Variants in ARHGAP32 observed in about 807,000 individuals in gnomAD.
ARHGAP32 encodes the protein rho GTPase-activating protein 32.
Under a neutral mutation model 186.5 loss-of-function variants are expected in ARHGAP32, and 51 were observed. The ratio of observed to expected loss-of-function variants is 0.27; its 90% CI spans 0.22 to 0.35. The LOEUF (loss-of-function observed/expected upper bound fraction) is 0.35, where lower values mean the gene tolerates loss of function less well. Among genes scored for constraint, ARHGAP32 ranks in the 10% least tolerant of loss-of-function variants. ARHGAP32 has a pLI of 1.00. For synonymous variants in ARHGAP32, 950 were observed against 964.3 expected, an observed-to-expected ratio of 0.99 and a Z score of 0.27; for missense variants, 2,186 against 2,623.5, an observed-to-expected ratio of 0.83 and a Z score of 3.64.
At chr11:129,100,651 C>T (rs7102146) in intron 5 of ARHGAP32, among the ~76,000 whole-genome samples, 2,125 of 152,212 alleles carry the variant, frequency 0.014, 51 homozygotes, top group African/African-American at 0.048. Context: ...AGCCAGCCAA[C>T]CCCAACCCTG....
intron 5 of ARHGAP32, among the ~76,000 whole-genome samples, chr11:129,097,398 G>A (rs895312558): frequency 5.3e-5 from 8 of 152,070 alleles, no homozygotes; most frequent in African/African-American, 1.2e-4. Context: ...AAAGATGTTC[G>A]AAGACCTAAA....
intron 1 of ARHGAP32, among the ~76,000 whole-genome samples, chr11:129,225,246 GA>G (rs1322208192): frequency 6.6e-6 from 1 of 152,178 alleles, no homozygotes; most frequent in East Asian, 1.9e-4. Flanking sequence ...TGGAGACTTT[GA>G]AAAGTTTAGA....
chr11:129,084,485 T>G (rs1485134071), intron 6 of ARHGAP32, among the ~76,000 whole-genome samples: 5 of 152,062 alleles, frequency 3.3e-5, no homozygotes, highest in African/African-American at 1.2e-4. Flanking sequence ...ATCCCAGGAA[T>G]GCAAGGCTGG....
At chr11:129,251,494 G>A (rs1292283729) in intron 1 of ARHGAP32, among the ~76,000 whole-genome samples, 2 of 152,098 alleles carry the variant, frequency 1.3e-5, no homozygotes, top group Non-Finnish European at 2.9e-5. Flanking sequence ...CAATGTTTAA[G>A]TGCAACTAAA....
chr11:128,977,120 G>A (rs759639673), intron 19 of ARHGAP32, among the ~76,000 whole-genome samples: 1 of 152,152 alleles, frequency 6.6e-6, no homozygotes, highest in Non-Finnish European at 1.5e-5. Flanking sequence ...GGCAAGGAAG[G>A]ATTTTTCCCT....
chr11:129,070,147 A>C (rs937554509), intron 6 of ARHGAP32, among the ~76,000 whole-genome samples: 5 of 152,176 alleles, frequency 3.3e-5, no homozygotes, highest in Non-Finnish European at 5.9e-5. Flanking sequence ...GCTATGTGCT[A>C]ATCACTTGAC....
upstream of ARHGAP32, among the ~76,000 whole-genome samples, chr11:129,193,667 T>G (rs1379152135): frequency 4.2e-5 from 2 of 47,226 alleles, no homozygotes; most frequent in South Asian, 8.6e-4. Flanking sequence ...CAATATATAT[T>G]ATATATAATA....
intron 17 of ARHGAP32, 65 bp from the exon 18 acceptor site, chr11:128,980,813 T>C (rs1331331885): frequency 1.3e-5 from 16 of 1,227,906 alleles, no homozygotes; most frequent in Non-Finnish European, 1.7e-5. Context: ...TTTGTTAGTA[T>C]CTATCTCTCC....
In ARHGAP32 at chr11:129,123,538, A is replaced by C; in HGVS notation, c.360-8T>G. On this transcript the variant is annotated splice_region_variant and splice_polypyrimidine_tract_variant and intron_variant, in intron 4 of 22. Coordinates refer to ENST00000682385, the MANE Select transcript of ARHGAP32 (RefSeq NM_001378024.1). This position sits in a 1 kb window ranked among gnomAD's most constrained non-coding sequence, Gnocchi z 4.6. ...CCTTTAGTGAAGGGTAACCTGAAAC[A>C]CATGAAATAAATAAGAAACGAGATA... 4 of 1,607,054 alleles carry C rather than the reference A, an allele frequency of 2.5e-6. No homozygotes were observed. Among genetic ancestry groups the C allele is most frequent in the Non-Finnish European group, 3.4e-6 (4 of 1,174,262 alleles).
chr11:129,149,482 G>C (rs1943242873), intron 2 of ARHGAP32, among the ~76,000 whole-genome samples: 1 of 152,114 alleles, frequency 6.6e-6, no homozygotes, highest in Non-Finnish European at 1.5e-5. Flanking sequence ...ACATTCCCTA[G>C]CACCAGCGCA....
intron 5 of ARHGAP32, among the ~76,000 whole-genome samples, chr11:129,106,213 G>C (rs1239772020): frequency 6.6e-6 from 1 of 152,010 alleles, no homozygotes; most frequent in Admixed American, 6.6e-5. Context: ...CCAAAAAGAC[G>C]CATGCACTCA....
At chr11:129,176,941 C>T (rs975882836) in intron 1 of ARHGAP32, among the ~76,000 whole-genome samples, 2 of 151,632 alleles carry the variant, frequency 1.3e-5, no homozygotes, top group African/African-American at 4.9e-5. Flanking sequence ...AAAATCAGAG[C>T]AGAACTGAAG....
At chr11:128,983,500 G>A (rs1422374868) in intron 15 of ARHGAP32, among the ~76,000 whole-genome samples, 5 of 151,592 alleles carry the variant, frequency 3.3e-5, no homozygotes, top group East Asian at 1.9e-4. Context: ...GTTGTGGGGT[G>A]GGGGGAAGGG....
At chr11:129,191,992 TG>T in intron 1 of ARHGAP32, 90 bp downstream of exon 1, 1 of 961,054 alleles carries the variant, frequency 1.0e-6, no homozygotes. Flanking sequence ...AAAGTCTTAT[TG>T]GAAAAAAGAC....
chr11:129,193,689 T>TTA (rs556754862), upstream of ARHGAP32, among the ~76,000 whole-genome samples: 28 of 24,416 alleles, frequency 1.1e-3, 1 homozygote, highest in Admixed American at 1.7e-3. Context: ...ATAATATATA[T>TTA]TATATAATAT....
intron 12 of ARHGAP32, among the ~76,000 whole-genome samples, chr11:128,996,967 C>T (rs894899318): frequency 1.3e-5 from 2 of 152,036 alleles, no homozygotes; most frequent in African/African-American, 4.8e-5. Flanking sequence ...TTCGTAGAGA[C>T]CAGGTCTTGC....
chr11:129,155,925 C>T (rs148687543), intron 2 of ARHGAP32, among the ~76,000 whole-genome samples: 164 of 152,264 alleles, frequency 1.1e-3, no homozygotes, highest in Non-Finnish European at 1.7e-3. Context: ...CCATGGAAGG[C>T]GAGCCAAAGC....
intron 2 of ARHGAP32, among the ~76,000 whole-genome samples, chr11:129,149,690 A>G (rs534804589): frequency 6.6e-6 from 1 of 152,324 alleles, no homozygotes; most frequent in East Asian, 1.9e-4. Context: ...AATGAGAAGG[A>G]ACCAGAAAAG....
intron 6 of ARHGAP32, among the ~76,000 whole-genome samples, chr11:129,083,556 G>A (rs1941289218): frequency 6.6e-6 from 1 of 152,110 alleles, no homozygotes. Context: ...AATGGACTTT[G>A]GGGACTTGGC....
Sources: gnomAD v4.1 joint callset for allele counts (sites outside exome capture counted in the v4.1 genomes callset) on GRCh38, gnomAD v4.1.1 for gene constraint, Gnocchi (gnomAD v3.1) non-coding constraint, MANE v1.5 for transcripts, NCBI Gene and HGNC (gene_info 2026-07-23, HGNC 2026-07-21) for gene names.